The following DSCAML1 variants were observed in gnomAD, a reference collection of about 807,000 sequenced individuals.
DSCAML1 encodes DS cell adhesion molecule like 1, also known as cell adhesion molecule DSCAML1.
A neutral mutation model predicts 200.5 loss-of-function variants in DSCAML1; 38 were observed. The observed-to-expected ratio is 0.19, with a 90% confidence interval of 0.15 to 0.25. The LOEUF is 0.25. Among genes scored for constraint, DSCAML1 ranks in the 10% least tolerant of loss-of-function variants. The pLI is 1.00. For missense variants in DSCAML1, 2,223 were observed against 2,858.8 expected (o/e 0.78, Z 5.07); for synonymous variants, 1,215 against 1,165.0 (o/e 1.04, Z -0.87).
Position 117,518,832 on chromosome 11 carries a change from C to G in DSCAML1, c.1214-70G>C. ...GAGACGGTCCCCCCAGCCACCCCAC[C>G]TCAGCAGGGGAGGAGGCAAAAAGCA... On this transcript the variant is annotated intron_variant, in intron 6 of 32. Coordinates refer to ENST00000651296, the MANE Select transcript of DSCAML1 (RefSeq NM_020693.4). The surrounding 1 kb of genome is among the most constrained non-coding windows in gnomAD (Gnocchi z 6.3). 6.6e-7 allele frequency: 1 copy of G among 1,508,862 alleles called. No homozygotes were observed. The highest frequency in any genetic ancestry group is 8.8e-7 in the Non-Finnish European group (1 of 1,133,832). 93.5% of individuals were successfully genotyped at this position (1,508,862 alleles called of 1,614,324 possible). A position where few individuals can be genotyped will look rare whatever the true frequency, so the allele number is the denominator to read the frequency against.
chr11:117,748,641 A>G (rs1281352772), intron 3 of DSCAML1, among the ~76,000 whole-genome samples: 2 of 152,102 alleles, frequency 1.3e-5, no homozygotes, highest in Admixed American at 1.3e-4. Flanking sequence ...CACTTTGGAG[A>G]TGAGGATTAA....
chr11:117,738,904 T>A (rs952261948), intron 3 of DSCAML1, among the ~76,000 whole-genome samples: 21 of 152,156 alleles, frequency 1.4e-4, no homozygotes, highest in Admixed American at 5.9e-4. Flanking sequence ...TGGTAAGAGA[T>A]GAAGAGATGT....
In DSCAML1 at chr11:117,540,545, T is replaced by A. The variant is rs572501147; in HGVS notation, c.512-8023A>T. Among the ~76,000 whole-genome samples the A allele has an allele frequency of 9.1e-4, 139 of 152,156 alleles. 1 individual carries two copies. The highest frequency in any genetic ancestry group is 3.4e-3 in the Middle Eastern group (1 of 294). On this transcript the variant is annotated intron_variant, in intron 3 of 32. Coordinates refer to ENST00000651296, the MANE Select transcript of DSCAML1 (RefSeq NM_020693.4). Reference sequence around the variant, plus strand: ...CTTAAAAATGATTAAGATGGTAAATTTTATGTTATGTATATTTTACCACAA... The same window carrying A: ...CTTAAAAATGATTAAGATGGTAAATATTATGTTATGTATATTTTACCACAA...
intron 3 of DSCAML1, among the ~76,000 whole-genome samples, chr11:117,717,665 G>A (rs1219625215): frequency 1.3e-5 from 2 of 152,184 alleles, no homozygotes; most frequent in African/African-American, 4.8e-5. Flanking sequence ...TGACGCCCTG[G>A]TGAGCTGTAA....
intron 3 of DSCAML1, among the ~76,000 whole-genome samples, chr11:117,769,746 T>A (rs1276719588): frequency 6.6e-6 from 1 of 150,860 alleles, no homozygotes; most frequent in African/African-American, 2.4e-5. Flanking sequence ...ATCTGTAAAA[T>A]GGGGGAATAA....
chr11:117,748,715 C>T, intron 3 of DSCAML1, among the ~76,000 whole-genome samples: 1 of 152,224 alleles, frequency 6.6e-6, no homozygotes, highest in East Asian at 1.9e-4. Context: ...CTAATGTGTG[C>T]AGGAGCCTGG....
intron 3 of DSCAML1, among the ~76,000 whole-genome samples, chr11:117,746,946 A>C (rs1036612777): frequency 1.3e-5 from 2 of 152,160 alleles, no homozygotes; most frequent in Non-Finnish European, 2.9e-5. Context: ...ACTGGGTTAG[A>C]AAGTATGGGT....
intron 3 of DSCAML1, among the ~76,000 whole-genome samples, chr11:117,608,240 T>C (rs2051613052): frequency 6.6e-6 from 1 of 152,222 alleles, no homozygotes; most frequent in African/African-American, 2.4e-5. Flanking sequence ...GGAGAGATGG[T>C]GCCAGTACTT....
chr11:117,744,872 T>G (rs1591464475), intron 3 of DSCAML1, among the ~76,000 whole-genome samples: 3 of 152,180 alleles, frequency 2.0e-5, no homozygotes, highest in African/African-American at 7.2e-5. Context: ...AGCTCTGAGA[T>G]GTACAGGGGC....
intron 8 of DSCAML1, among the ~76,000 whole-genome samples, chr11:117,515,678 T>C (rs946023572): frequency 7.4e-6 from 1 of 135,548 alleles, no homozygotes; most frequent in Non-Finnish European, 1.5e-5. Context: ...TGGAGTGCAA[T>C]GGCTCAATCT....
chr11:117,663,889 C>T (rs868179856), intron 3 of DSCAML1, among the ~76,000 whole-genome samples: 20 of 152,212 alleles, frequency 1.3e-4, no homozygotes, highest in African/African-American at 4.6e-4. Flanking sequence ...TTATTTATAG[C>T]GTGACTGAAA....
At position 117,489,826 on chromosome 11, in the gene DSCAML1, G is replaced by A. The variant is rs754399843; in HGVS notation, c.2360-7664C>T. On this transcript the variant is annotated intron_variant, in intron 11 of 32. Coordinates refer to ENST00000651296, the MANE Select transcript of DSCAML1 (RefSeq NM_020693.4). The surrounding 1 kb of genome is among the most constrained non-coding windows in gnomAD (Gnocchi z 4.8). Reference sequence around the variant, plus strand: ...TGCATGGCACGTGTCCTCCGGCAGCGTCCTTGCCTCCTTGTGTGTGACTGT... The same window carrying A: ...TGCATGGCACGTGTCCTCCGGCAGCATCCTTGCCTCCTTGTGTGTGACTGT... Among the ~76,000 whole-genome samples the A allele has an allele frequency of 2.6e-5, 4 of 152,224 alleles. No individual in the cohort carries two copies. Among genetic ancestry groups the A allele is most frequent in the Middle Eastern group, 3.2e-3 (1 of 316 alleles).
At chr11:117,454,237 G>A (rs927039782) in intron 19 of DSCAML1, among the ~76,000 whole-genome samples, 8 of 152,198 alleles carry the variant, frequency 5.3e-5, no homozygotes, top group African/African-American at 1.7e-4. Flanking sequence ...TGCAAAATCC[G>A]AGATTCCACC....
intron 3 of DSCAML1, among the ~76,000 whole-genome samples, chr11:117,734,372 G>A (rs979048723): frequency 2.6e-5 from 4 of 152,140 alleles, no homozygotes; most frequent in Non-Finnish European, 4.4e-5. Flanking sequence ...TTCAGTCTCC[G>A]GAAAACCTTG....
At chr11:117,552,726 G>A (rs1293143812) in intron 3 of DSCAML1, among the ~76,000 whole-genome samples, 6 of 152,220 alleles carry the variant, frequency 3.9e-5, no homozygotes, top group African/African-American at 7.2e-5. Flanking sequence ...GTTCAGCTAG[G>A]TGAAGTGTCT....
chr11:117,501,439 C>T (rs2049392610), intron 11 of DSCAML1, among the ~76,000 whole-genome samples: 1 of 152,152 alleles, frequency 6.6e-6, no homozygotes, highest in South Asian at 2.1e-4. Context: ...CAAAGACAGT[C>T]AGCTCCTCCA....
chr11:117,691,529 A>T (rs1435731447), intron 3 of DSCAML1, among the ~76,000 whole-genome samples: 4 of 152,242 alleles, frequency 2.6e-5, no homozygotes, highest in African/African-American at 9.6e-5. Flanking sequence ...CTTCCCCATT[A>T]TGGGCTTATT....
chr11:117,452,826 C>G (rs1021388770), intron 19 of DSCAML1, among the ~76,000 whole-genome samples: 1 of 152,044 alleles, frequency 6.6e-6, no homozygotes, highest in African/African-American at 2.4e-5. Context: ...TTTAGTTTAC[C>G]AAAGTCTAAT....
Position 117,566,608 on chromosome 11 carries a change from A to C in DSCAML1, c.512-34086T>G, listed in dbSNP as rs2050762216. Among the ~76,000 whole-genome samples, 3 of 150,820 alleles carry C rather than the reference A, an allele frequency of 2.0e-5. No individual in the cohort carries two copies. The South Asian group carries it at 6.3e-4, about 32-fold the overall frequency. On this transcript the variant is annotated intron_variant, in intron 3 of 32. Transcript: ENST00000651296. ...TTATTATTATTATACTTTAAGTTTT[A>C]GGGTACATGTGCACCATGTGCAGGT...
Sources: gnomAD v4.1 joint callset for allele counts (sites outside exome capture counted in the v4.1 genomes callset) on GRCh38, gnomAD v4.1.1 for gene constraint, Gnocchi (gnomAD v3.1) non-coding constraint, MANE v1.5 for transcripts, NCBI Gene and HGNC (gene_info 2026-07-23, HGNC 2026-07-21) for gene names.